The following PLXDC2 variants were observed in gnomAD, a reference collection of about 807,000 sequenced individuals.
The protein encoded by PLXDC2 is plexin domain-containing protein 2.
PLXDC2 carries 40 observed loss-of-function variants against 68.9 expected under a neutral mutation model. The observed-to-expected ratio is 0.58, with a 90% CI of 0.45 to 0.76. The LOEUF is 0.76. PLXDC2 is among the 30% of genes least tolerant of loss of function. The pLI, the probability that PLXDC2 is intolerant of heterozygous loss-of-function variation, is 0.00. For synonymous variants in PLXDC2, 243 were observed against 234.2 expected (o/e 1.04, Z -0.34); for missense variants, 644 against 661.9 (o/e 0.97, Z 0.30).
At chr10:19,931,952 A>AGTGTGTGTGT (rs33953625) in intron 1 of PLXDC2, among the ~76,000 whole-genome samples, 8,387 of 149,686 alleles carry the variant, frequency 0.056, 710 homozygotes, top group African/African-American at 0.19. Flanking sequence ...TAATTTGGGA[A>AGTGTGTGTGT]GTGTGTGTGT....
chr10:20,107,746 G>C (rs1833510366), intron 4 of PLXDC2, among the ~76,000 whole-genome samples: 1 of 152,060 alleles, frequency 6.6e-6, no homozygotes, highest in Non-Finnish European at 1.5e-5. Context: ...AGTTTATTCA[G>C]TTTATAGTAT....
chr10:20,143,724 G>GA lies in PLXDC2; in HGVS notation c.664+314dup, dbSNP rs200898935. ...AGTCAGTTTTCCAATTTTCCCATCA[G>GA]AAAAAAATGGAAATAAGAATAATTT... On this transcript the variant is annotated intron_variant, in intron 5 of 13. Coordinates refer to ENST00000377252, the MANE Select transcript of PLXDC2 (RefSeq NM_032812.9). 4.5e-3 allele frequency among the ~76,000 whole-genome samples: 682 copies of GA among 151,920 alleles called. 3 individuals carry two copies. The highest frequency in any genetic ancestry group is 0.015 in the African/African-American group (640 of 41,476).
At chr10:20,171,252 G>C (rs1834442823) in intron 7 of PLXDC2, among the ~76,000 whole-genome samples, 1 of 152,102 alleles carries the variant, frequency 6.6e-6, no homozygotes, top group Admixed American at 6.5e-5. Context: ...TTTCAAAGTT[G>C]TAGTCTTCTC....
intron 4 of PLXDC2, among the ~76,000 whole-genome samples, chr10:20,141,006 G>A (rs112718621): frequency 0.026 from 3,914 of 151,904 alleles, 69 homozygotes; most frequent in South Asian, 0.071. Context: ...TACTCATAGT[G>A]ACATAACTTA....
chr10:19,883,669 G>A (rs1837780494), intron 1 of PLXDC2, among the ~76,000 whole-genome samples: 1 of 151,496 alleles, frequency 6.6e-6, no homozygotes. Context: ...CTCTTTTCAT[G>A]CTGTTTCTTT....
rs67317026 is a variant in PLXDC2, at chr10:20,072,543, G to GA, written c.541+4307dup. 4.3e-3 allele frequency among the ~76,000 whole-genome samples: 253 copies of GA among 58,942 alleles called. 2 individuals are homozygous for GA. The highest frequency in any genetic ancestry group is 0.036 in the African/African-American group (242 of 6,664). The allele number at this position is 58,942 out of a possible 152,430, so 38.7% of individuals were successfully genotyped here. On this transcript the variant is annotated intron_variant, in intron 4 of 13. Transcript: ENST00000377252. The stretch of plus-strand genomic sequence containing the variant: ...AGAAAGAAAGAAAGAAAGAAAGAAA[G>GA]AAAGAAAGAAAAGGAAAGAAAGGAA...
intron 4 of PLXDC2, among the ~76,000 whole-genome samples, chr10:20,072,900 G>A (rs956471839): frequency 1.3e-5 from 2 of 152,184 alleles, no homozygotes; most frequent in Non-Finnish European, 1.5e-5. Flanking sequence ...GATCTCTTCC[G>A]TGATTGACTA....
intron 4 of PLXDC2, among the ~76,000 whole-genome samples, chr10:20,088,208 G>A (rs562873049): frequency 2.6e-4 from 39 of 152,200 alleles, no homozygotes; most frequent in African/African-American, 9.2e-4. Context: ...GTAGAGTAAC[G>A]ATATCTCCTA....
intron 13 of PLXDC2, among the ~76,000 whole-genome samples, chr10:20,278,634 A>G (rs537976202): frequency 4.0e-5 from 6 of 151,722 alleles, no homozygotes; most frequent in Non-Finnish European, 8.8e-5. Flanking sequence ...TTTTTTACAC[A>G]ATATAGAGCT....
chr10:19,941,943 TTG>T (rs1297661478), intron 1 of PLXDC2, among the ~76,000 whole-genome samples: 3 of 151,884 alleles, frequency 2.0e-5, no homozygotes. Context: ...CCGTTTTGTA[TTG>T]TGTTTGTTTC....
intron 4 of PLXDC2, among the ~76,000 whole-genome samples, chr10:20,089,169 C>CGTGT (rs34167804): frequency 0.015 from 2,190 of 142,654 alleles, 19 homozygotes; most frequent in South Asian, 0.027. Flanking sequence ...CCTGTATATA[C>CGTGT]GTGTGTGTGT....
chr10:20,011,170 T>A (rs1835107823), intron 2 of PLXDC2, among the ~76,000 whole-genome samples: 1 of 152,180 alleles, frequency 6.6e-6, no homozygotes, highest in Non-Finnish European at 1.5e-5. Flanking sequence ...ATTCTTTATA[T>A]GTTGAACGAA....
At chr10:19,971,535 G>T (rs11011708) in intron 1 of PLXDC2, among the ~76,000 whole-genome samples, 14,963 of 152,190 alleles carry the variant, frequency 0.098, 744 homozygotes, top group East Asian at 0.13. Flanking sequence ...GAGTAAGAAG[G>T]CTGGATAGGG....
intron 1 of PLXDC2, among the ~76,000 whole-genome samples, chr10:19,966,818 T>TC (rs35896186): frequency 2.8e-4 from 40 of 142,040 alleles, no homozygotes; most frequent in African/African-American, 9.2e-4. Context: ...ATTTTTTTTT[T>TC]CCCCCAGCAT....
chr10:19,983,109 A>G (rs977020804), intron 1 of PLXDC2, among the ~76,000 whole-genome samples: 1 of 152,172 alleles, frequency 6.6e-6, no homozygotes, highest in Non-Finnish European at 1.5e-5. Flanking sequence ...TCTAAGCAGC[A>G]TATCTCTGTA....
At chr10:20,229,787 C>T (rs935754983) in intron 12 of PLXDC2, among the ~76,000 whole-genome samples, 1 of 152,116 alleles carries the variant, frequency 6.6e-6, no homozygotes, top group Non-Finnish European at 1.5e-5. Context: ...AGTTAATTAT[C>T]TGAAACTAAT....
intron 2 of PLXDC2, among the ~76,000 whole-genome samples, chr10:20,045,819 A>G (rs558791622): frequency 6.6e-6 from 1 of 152,148 alleles, no homozygotes; most frequent in Non-Finnish European, 1.5e-5. Flanking sequence ...GTTTTAAAAT[A>G]TTTTTTGTCT....
intron 1 of PLXDC2, among the ~76,000 whole-genome samples, chr10:19,938,293 G>A (rs902592341): frequency 2.6e-5 from 4 of 152,074 alleles, no homozygotes; most frequent in African/African-American, 9.7e-5. Flanking sequence ...AGATAAAATT[G>A]GAAAGGTAGT....
intron 7 of PLXDC2, among the ~76,000 whole-genome samples, chr10:20,166,205 G>T (rs1378279506): frequency 6.6e-6 from 1 of 152,084 alleles, no homozygotes; most frequent in African/African-American, 2.4e-5. Flanking sequence ...CGGATTAGCA[G>T]AAATATTATA....
Sources: allele counts gnomAD v4.1 joint callset (sites outside exome capture counted in the v4.1 genomes callset), GRCh38; gene constraint gnomAD v4.1.1; transcripts MANE v1.5; gene names NCBI Gene and HGNC (gene_info 2026-07-23, HGNC 2026-07-21).